MEIKIN: variants seen among roughly 807,000 people sequenced by gnomAD.
The protein encoded by MEIKIN is meiosis-specific kinetochore protein.
chr5:131,827,527 GA>G (rs1749635669), intron 11 of MEIKIN, among the ~76,000 whole-genome samples: 1 of 151,962 alleles, frequency 6.6e-6, no homozygotes, highest in Non-Finnish European at 1.5e-5. Flanking sequence ...TAAAAGGGTA[GA>G]AAAAGATATA....
intron 7 of MEIKIN, among the ~76,000 whole-genome samples, chr5:131,916,202 C>T (rs1208953178): frequency 2.6e-5 from 4 of 152,004 alleles, no homozygotes; most frequent in Non-Finnish European, 4.4e-5. Flanking sequence ...TTAAGCAAGT[C>T]CATCATCATC....
intron 10 of MEIKIN, 46 bp downstream of exon 10, chr5:131,854,708 A>C (rs1750166622): frequency 2.5e-6 from 1 of 397,096 alleles, no homozygotes; most frequent in Admixed American, 4.4e-5. Flanking sequence ...TGGGGAGAGG[A>C]GGAGCCAGAA....
intron 8 of MEIKIN, among the ~76,000 whole-genome samples, chr5:131,880,439 A>G (rs564684169): frequency 2.0e-5 from 3 of 148,432 alleles, no homozygotes; most frequent in African/African-American, 5.0e-5. Context: ...CGGGGGTCTC[A>G]CCATGTTGGC....
intron 8 of MEIKIN, among the ~76,000 whole-genome samples, chr5:131,907,039 T>C (rs1439694033): frequency 6.6e-6 from 1 of 152,092 alleles, no homozygotes. Context: ...TAACGAGGAA[T>C]TTTGGAAACT....
intron 11 of MEIKIN, among the ~76,000 whole-genome samples, chr5:131,833,739 G>A (rs996013069): frequency 1.3e-5 from 2 of 152,110 alleles, no homozygotes; most frequent in African/African-American, 4.8e-5. Flanking sequence ...CTCCCAATGG[G>A]TCCCTCCCAG....
At chr5:131,915,172 G>T (rs764959493) in intron 7 of MEIKIN, among the ~76,000 whole-genome samples, 1 of 152,156 alleles carries the variant, frequency 6.6e-6, no homozygotes, top group Non-Finnish European at 1.5e-5. Flanking sequence ...CTACTACAAA[G>T]GTTGTGGAAA....
intron 8 of MEIKIN, among the ~76,000 whole-genome samples, chr5:131,893,399 G>C (rs1463269277): frequency 6.6e-6 from 1 of 152,252 alleles, no homozygotes; most frequent in Non-Finnish European, 1.5e-5. Context: ...CCATGTGGGG[G>C]ATATAATCTC....
intron 7 of MEIKIN, among the ~76,000 whole-genome samples, chr5:131,912,948 G>A (rs908108175): frequency 6.6e-6 from 1 of 152,136 alleles, no homozygotes; most frequent in Non-Finnish European, 1.5e-5. Context: ...ACTACACTTT[G>A]GGTTCCTCTG....
chr5:131,901,926 A>G (rs1260209110), intron 8 of MEIKIN, among the ~76,000 whole-genome samples: 1 of 152,156 alleles, frequency 6.6e-6, no homozygotes, highest in Non-Finnish European at 1.5e-5. Flanking sequence ...CCAATGTTGG[A>G]GGTGGGGCCT....
chr5:131,890,804 A>G (rs1360748545), intron 8 of MEIKIN, among the ~76,000 whole-genome samples: 1 of 151,836 alleles, frequency 6.6e-6, no homozygotes, highest in East Asian at 1.9e-4. Flanking sequence ...TTTAATTGTG[A>G]TGTTAGGGTG....
chr5:131,836,965 T>C (rs1021831022), intron 11 of MEIKIN, among the ~76,000 whole-genome samples: 5 of 152,094 alleles, frequency 3.3e-5, no homozygotes, highest in African/African-American at 1.2e-4. Context: ...ATGAAATCTT[T>C]GCCTGTTCCT....
chr5:131,920,696 C>CT (rs1751489759), intron 6 of MEIKIN, among the ~76,000 whole-genome samples: 2 of 144,510 alleles, frequency 1.4e-5, no homozygotes, highest in African/African-American at 2.9e-5. Flanking sequence ...TGCATAACTT[C>CT]ATTTTTTTTT....
intron 8 of MEIKIN, among the ~76,000 whole-genome samples, chr5:131,890,055 A>C (rs1750880825): frequency 6.6e-6 from 1 of 152,180 alleles, no homozygotes; most frequent in Admixed American, 6.5e-5. Context: ...CATCCCAGGG[A>C]TGAAGCCCAC....
intron 7 of MEIKIN, 70 bp downstream of exon 7, chr5:131,916,816 A>G (rs1751421750): frequency 5.1e-6 from 2 of 394,226 alleles, no homozygotes; most frequent in East Asian, 3.6e-5. Context: ...ACTAACAATC[A>G]TATTTGCTAT....
intron 11 of MEIKIN, among the ~76,000 whole-genome samples, chr5:131,846,646 C>T (rs916439484): frequency 1.3e-5 from 2 of 152,084 alleles, no homozygotes; most frequent in Non-Finnish European, 2.9e-5. Context: ...CATGACAAAA[C>T]CCTGTCTCTA....
At chr5:131,927,651 C>T (rs1364993592) in intron 5 of MEIKIN, among the ~76,000 whole-genome samples, 1 of 152,130 alleles carries the variant, frequency 6.6e-6, no homozygotes, top group Non-Finnish European at 1.5e-5. Context: ...ATGTTGGGTG[C>T]ATACATATTT....
chr5:131,894,105 C>G (rs1750989388), intron 8 of MEIKIN, among the ~76,000 whole-genome samples: 1 of 152,188 alleles, frequency 6.6e-6, no homozygotes, highest in Admixed American at 6.5e-5. Flanking sequence ...CCAGTTTCAG[C>G]TTTCTACATA....
At chr5:131,825,226 A>T (rs1392777126) in intron 11 of MEIKIN, among the ~76,000 whole-genome samples, 1 of 152,096 alleles carries the variant, frequency 6.6e-6, no homozygotes, top group Admixed American at 6.6e-5. Flanking sequence ...TCATCCACTT[A>T]TGTACACATT....
chr5:131,850,389 A>C (rs1225681701), intron 11 of MEIKIN, among the ~76,000 whole-genome samples: 1 of 152,220 alleles, frequency 6.6e-6, no homozygotes, highest in African/African-American at 2.4e-5. Context: ...AAAAATGAAA[A>C]AGAAGAACAA....
Sources: gnomAD v4.1 joint callset for allele counts (sites outside exome capture counted in the v4.1 genomes callset) on GRCh38, gnomAD v4.1.1 for gene constraint, MANE v1.5 for transcripts, NCBI Gene and HGNC (gene_info 2026-07-23, HGNC 2026-07-21) for gene names.